NAV2: variants seen among roughly 807,000 people sequenced by gnomAD.
NAV2 encodes neuron navigator 2.
A neutral mutation model predicts 223.2 loss-of-function variants in NAV2; 54 were observed. The observed-to-expected ratio is 0.24, with a 90% CI of 0.19 to 0.30. NAV2 has a LOEUF of 0.30. Among genes scored for constraint, NAV2 ranks in the 10% least tolerant of loss-of-function variants. NAV2 has a pLI of 1.00. For missense variants in NAV2, 2,806 were observed against 3,147.5 expected (o/e 0.89, Z 2.60); for synonymous variants, 1,279 against 1,239.3 (o/e 1.03, Z -0.67).
At position 19,998,048 on chromosome 11, in the gene NAV2, CA is replaced by C. The variant is rs2052097631; in HGVS notation, c.2768+13805del. 6.6e-6 allele frequency among the ~76,000 whole-genome samples: 1 copy of C among 152,122 alleles called. No individual in the cohort carries two copies. The highest frequency in any genetic ancestry group is 1.5e-5 in the Non-Finnish European group (1 of 68,018). ...CAAGACTGAGAGGAAGGAAGCAGAACAAAAGTGTGTTTTTCTCAGCATTCCC... is the reference window on the plus strand; with the variant it reads ...CAAGACTGAGAGGAAGGAAGCAGAACAAAGTGTGTTTTTCTCAGCATTCCC... On this transcript the variant is annotated intron_variant, in intron 11 of 37. Transcript: ENST00000349880. The surrounding 1 kb of genome is among the most constrained non-coding windows in gnomAD (Gnocchi z 5.0).
chr11:19,888,305 C>T (rs757387940), intron 5 of NAV2, among the ~76,000 whole-genome samples: 25 of 152,114 alleles, frequency 1.6e-4, no homozygotes, highest in East Asian at 3.9e-4. Context: ...TGACCTGCCA[C>T]GCTCCCCTCT....
intron 1 of NAV2, among the ~76,000 whole-genome samples, chr11:19,398,296 G>C (rs10833105): frequency 1.3e-5 from 2 of 151,834 alleles, no homozygotes; most frequent in Non-Finnish European, 1.5e-5. Context: ...GTTGGAGAAC[G>C]TACTCACTAT....
intron 1 of NAV2, among the ~76,000 whole-genome samples, chr11:19,460,648 G>C (rs1488340020): frequency 2.5e-5 from 3 of 121,554 alleles, no homozygotes; most frequent in African/African-American, 9.7e-5. Flanking sequence ...GGGGCCTGTC[G>C]TGGGGTGGGG....
chr11:19,598,369 T>C (rs1042990000), intron 1 of NAV2, among the ~76,000 whole-genome samples: 1 of 152,242 alleles, frequency 6.6e-6, no homozygotes, highest in South Asian at 2.1e-4. Context: ...TGTGCTTTGT[T>C]TGAAGTAAGG....
At chr11:19,845,807 G>T (rs1469839478) in intron 3 of NAV2, among the ~76,000 whole-genome samples, 2 of 152,160 alleles carry the variant, frequency 1.3e-5, no homozygotes, top group Admixed American at 1.3e-4. Flanking sequence ...GAGGATTCCA[G>T]GGGCAGCAGT....
intron 1 of NAV2, among the ~76,000 whole-genome samples, chr11:19,685,961 G>C (rs1293690580): frequency 7.0e-6 from 1 of 142,236 alleles, no homozygotes; most frequent in Non-Finnish European, 1.6e-5. Context: ...ACTCTCCAGA[G>C]GCTTCTCACA....
At chr11:19,541,273 C>T (rs1049875249) in intron 1 of NAV2, among the ~76,000 whole-genome samples, 10 of 152,290 alleles carry the variant, frequency 6.6e-5, no homozygotes, top group African/African-American at 2.2e-4. Context: ...CTCCATCTTC[C>T]GGCATCTACT....
chr11:20,021,699 T>G (rs1486054975), intron 11 of NAV2, among the ~76,000 whole-genome samples: 6 of 152,110 alleles, frequency 3.9e-5, no homozygotes, highest in Non-Finnish European at 7.3e-5. Flanking sequence ...CCCCCACCTC[T>G]GCTTCCCACT....
chr11:19,632,044 A>G (rs2047361042), intron 1 of NAV2, among the ~76,000 whole-genome samples: 1 of 152,224 alleles, frequency 6.6e-6, no homozygotes, highest in Non-Finnish European at 1.5e-5. Flanking sequence ...GCCAGGGAAC[A>G]TGCCTGTTGG....
intron 1 of NAV2, among the ~76,000 whole-genome samples, chr11:19,393,648 T>A (rs1199630001): frequency 2.6e-5 from 4 of 152,356 alleles, no homozygotes; most frequent in Non-Finnish European, 5.9e-5. Context: ...AAATTAAAAT[T>A]TATTTTTCCT....
chr11:19,743,206 A>G (rs770147787), intron 1 of NAV2, among the ~76,000 whole-genome samples: 1 of 152,230 alleles, frequency 6.6e-6, no homozygotes, highest in African/African-American at 2.4e-5. Flanking sequence ...TGAGGCTCCT[A>G]TGAAGGGCTT....
intron 11 of NAV2, among the ~76,000 whole-genome samples, chr11:19,991,245 C>A (rs1434111893): frequency 6.6e-6 from 1 of 152,178 alleles, no homozygotes; most frequent in Non-Finnish European, 1.5e-5. Context: ...CCTGTCTCAG[C>A]CTCCCAAGTA....
chr11:19,736,707 G>C (rs758213865), intron 1 of NAV2, among the ~76,000 whole-genome samples: 97 of 152,276 alleles, frequency 6.4e-4, no homozygotes, highest in Non-Finnish European at 1.1e-3. Context: ...ACTCAGGTCT[G>C]GTGCCTCCAA....
chr11:19,435,776 T>G (rs1170581491), intron 1 of NAV2, among the ~76,000 whole-genome samples: 2 of 152,212 alleles, frequency 1.3e-5, no homozygotes, highest in East Asian at 3.8e-4. Context: ...CTAACAGGTG[T>G]GAGATGATAG....
chr11:19,885,002 G>T (rs866839141), intron 5 of NAV2, among the ~76,000 whole-genome samples: 4 of 152,168 alleles, frequency 2.6e-5, no homozygotes, highest in Admixed American at 2.0e-4. Flanking sequence ...TCTTAATTCA[G>T]ACTTCAACCT....
At position 20,049,096 on chromosome 11, in the gene NAV2, C is replaced by G; in HGVS notation, c.4271C>G (p.Pro1424Arg). ...IDISLSSGGV[P>R]SHNSSTGLIA... ...ATCTCCCTCAGCAGTGGAGGGGTCC[C>G]CAGCCACAATTCTTCCACTGGCCTC... Residue 1424 changes from proline (P) to arginine (R), a missense_variant, in exon 15 of 38, where the codon CCC (proline) becomes CGC (arginine). By Grantham distance (103) the Pro-to-Arg change is moderately radical (BLOSUM62 -2). Around this residue, in one of 4 missense-constraint regions of NAV2, gnomAD observed 742 missense variants for 777.9 expected, o/e 0.95. Coordinates refer to ENST00000349880, the MANE Select transcript of NAV2 (RefSeq NM_145117.5). 1 of 1,614,108 alleles carries G rather than the reference C, an allele frequency of 6.2e-7. No individual in the cohort carries two copies. Among genetic ancestry groups the G allele is most frequent in the African/African-American group, 1.3e-5 (1 of 75,034 alleles).
chr11:19,649,884 G>A (rs1177475498), intron 1 of NAV2, among the ~76,000 whole-genome samples: 1 of 152,192 alleles, frequency 6.6e-6, no homozygotes, highest in Non-Finnish European at 1.5e-5. Flanking sequence ...AAACGATAGT[G>A]AGATACTTCC....
At chr11:19,495,678 G>A (rs1334649345) in intron 1 of NAV2, among the ~76,000 whole-genome samples, 1 of 152,088 alleles carries the variant, frequency 6.6e-6, no homozygotes, top group African/African-American at 2.4e-5. Flanking sequence ...TAAATGCATG[G>A]ATGAGAGAGG....
At chr11:19,579,977 T>C (rs1338794361) in intron 1 of NAV2, among the ~76,000 whole-genome samples, 1 of 152,246 alleles carries the variant, frequency 6.6e-6, no homozygotes, top group Admixed American at 6.5e-5. Flanking sequence ...TTTGAAAATA[T>C]GTGTTTTCCT....
Sources: allele counts gnomAD v4.1 joint callset (sites outside exome capture counted in the v4.1 genomes callset), GRCh38; gene constraint gnomAD v4.1.1; regional missense constraint gnomAD v4.1.1; non-coding constraint Gnocchi (gnomAD v3.1); transcripts MANE v1.5; gene names NCBI Gene and HGNC (gene_info 2026-07-23, HGNC 2026-07-21).